ABCC8: variants seen among roughly 807,000 people sequenced by gnomAD.
ABCC8 encodes the protein ATP binding cassette subfamily C member 8.
A neutral mutation model predicts 188.0 loss-of-function variants in ABCC8; 137 were observed. The observed-to-expected ratio is 0.73, with a 90% confidence interval of 0.63 to 0.84. The LOEUF is 0.84. Among genes scored for constraint, ABCC8 ranks in the 40% least tolerant of loss-of-function variants. The probability of loss-of-function intolerance (pLI) is 0.00; values close to 1 mark genes in which losing one functional copy is unlikely to be tolerated. For missense variants in ABCC8, 1,750 were observed against 2,072.7 expected (o/e 0.84, Z 3.02); for synonymous variants, 797 against 846.5 (o/e 0.94, Z 1.01).
rs72868403 is a variant in ABCC8 at position 17,459,275 on chromosome 11, A to G, written c.1011+1213T>C. On this transcript the variant is annotated intron_variant, in intron 6 of 38. Coordinates refer to ENST00000389817, the MANE Select transcript of ABCC8 (RefSeq NM_000352.6). Reference sequence around the variant, plus strand: ...TAAATAACACATGGATAACTCCTGCACACAGCCAGGTATGTATTATGTGGT... The same window carrying G: ...TAAATAACACATGGATAACTCCTGCGCACAGCCAGGTATGTATTATGTGGT... Among the ~76,000 whole-genome samples, 1,516 of 152,344 alleles carry G rather than the reference A, an allele frequency of 1.0e-2. 15 individuals carry two copies. Among genetic ancestry groups the G allele is most frequent in the Non-Finnish European group, 0.017 (1,174 of 68,040 alleles).
At chr11:17,444,698 C>G (rs1219609185) in intron 8 of ABCC8, among the ~76,000 whole-genome samples, 1 of 152,196 alleles carries the variant, frequency 6.6e-6, no homozygotes, top group Non-Finnish European at 1.5e-5. Flanking sequence ...ACTATTTTGT[C>G]TCCTATTCAC....
intron 10 of ABCC8, chr11:17,435,577 G>A: frequency 7.4e-7 from 1 of 1,353,002 alleles, no homozygotes; most frequent in Non-Finnish European, 1.1e-6. Context: ...AAACAAATAA[G>A]GAGAACTTTT....
rs77655678 is a variant in ABCC8, at chr11:17,412,587, G to A, written c.2556+79C>T. Reference sequence around the variant, plus strand: ...AGAGGGAGATTGTTGGATGATGGTGGGGTTGCGGGGAGGTGGAGGTGGGCA... The same window carrying A: ...AGAGGGAGATTGTTGGATGATGGTGAGGTTGCGGGGAGGTGGAGGTGGGCA... On this transcript the variant is annotated intron_variant, in intron 21 of 38. Transcript: ENST00000389817. 2.2e-3 allele frequency: 3,402 copies of A among 1,514,006 alleles called. 65 individuals carry two copies. The African/African-American group carries it at 0.042, about 19-fold the overall frequency. The allele number at this position is 1,514,006 out of a possible 1,614,324, so 93.8% of individuals were successfully genotyped here. A position where few individuals can be genotyped will look rare whatever the true frequency, so the allele number is the denominator to read the frequency against.
intron 8 of ABCC8, among the ~76,000 whole-genome samples, chr11:17,444,639 A>G (rs1366467012): frequency 6.6e-6 from 1 of 152,202 alleles, no homozygotes; most frequent in East Asian, 1.9e-4. Context: ...CCTCATGCAG[A>G]AGAAATCATG....
chr11:17,396,853 C>A, intron 33 of ABCC8, 63 bp downstream of exon 33: 1 of 1,597,328 alleles, frequency 6.3e-7, no homozygotes, highest in African/African-American at 1.3e-5. Context: ...CATCCAGCTC[C>A]GTGCATGCCC....
At chr11:17,403,821 A>G (rs879917850) in intron 28 of ABCC8, among the ~76,000 whole-genome samples, 4 of 152,196 alleles carry the variant, frequency 2.6e-5, no homozygotes, top group Admixed American at 6.5e-5. Context: ...GTTGTGATCC[A>G]TGATATTGAT....
At chr11:17,464,835 T>C (rs1848049828) in intron 3 of ABCC8, among the ~76,000 whole-genome samples, 1 of 152,154 alleles carries the variant, frequency 6.6e-6, no homozygotes, top group Non-Finnish European at 1.5e-5. Flanking sequence ...CTAGACCAGA[T>C]GCGGATAAGG....
At chr11:17,463,680 G>A (rs936448680) in intron 3 of ABCC8, 76 bp from the exon 4 acceptor site, 1 of 1,538,508 alleles carries the variant, frequency 6.5e-7, no homozygotes. Flanking sequence ...GTGCAAGTAT[G>A]TGGCAGAGAA....
At chr11:17,422,349 C>A (rs1353738961) in intron 16 of ABCC8, among the ~76,000 whole-genome samples, 2 of 152,136 alleles carry the variant, frequency 1.3e-5, no homozygotes, top group African/African-American at 4.8e-5. Context: ...TCTCTCTCCC[C>A]AGTCCATCAT....
At chr11:17,397,545 C>T (rs1329885241) in intron 31 of ABCC8, 139 bp downstream of exon 31, 6 of 1,427,758 alleles carry the variant, frequency 4.2e-6, no homozygotes, top group African/African-American at 2.8e-5. Flanking sequence ...GTCAGCCTTC[C>T]TGCCCGCACT....
chr11:17,432,179 A>G, intron 11 of ABCC8, 25 bp downstream of exon 11: 4 of 1,552,208 alleles, frequency 2.6e-6, no homozygotes, highest in Non-Finnish European at 3.5e-6. Flanking sequence ...CCTACCCCCA[A>G]GAGATGGAGA....
intron 12 of ABCC8, 108 bp downstream of exon 12, chr11:17,430,706 G>T (rs1185045304): frequency 4.7e-6 from 6 of 1,281,948 alleles, no homozygotes; most frequent in Non-Finnish European, 5.7e-6. Context: ...CCAGCAATGG[G>T]GGTGTGTTCC....
chr11:17,442,843 G>A lies in ABCC8; in HGVS notation c.1507C>T (p.Leu503Phe), dbSNP rs1027198360. 4 of 1,614,086 alleles carry A rather than the reference G, an allele frequency of 2.5e-6. No individual in the cohort carries two copies. Among genetic ancestry groups the A allele is most frequent in the East Asian group, 4.5e-5 (2 of 44,878 alleles). Residue 503 changes from leucine to phenylalanine, a missense_variant, in exon 10 of 39, where the codon CTC becomes TTC. By Grantham distance (22) the Leu-to-Phe change is conservative. Coordinates refer to ENST00000389817, the MANE Select transcript of ABCC8 (RefSeq NM_000352.6). ...AGCTTCAGCAGCTTGATGCCGCGGA[G>A]CATCTCGTTGGTCTGCTTCAGCCGC... is the stretch of plus-strand genomic sequence containing the variant. ...NERLKQTNEM[L>F]RGIKLLKLYA...
In ABCC8 at chr11:17,406,798, CAG is replaced by C; in HGVS notation, c.3163-12_3163-11del. 1 of 1,614,232 alleles carries C rather than the reference CAG, an allele frequency of 6.2e-7. No individual in the cohort carries two copies. The highest frequency in any genetic ancestry group is 8.5e-7 in the Non-Finnish European group (1 of 1,180,048). ...GGTCGAGGGTGCACTCCTTCACAGG[CAG>C]AGAGTGATTTGGAGTTCCAGGGTGC... On this transcript the variant is annotated splice_polypyrimidine_tract_variant and intron_variant, in intron 25 of 38. Coordinates refer to ENST00000389817, the MANE Select transcript of ABCC8 (RefSeq NM_000352.6).
chr11:17,435,977 T>C (rs559418270), intron 10 of ABCC8: 19 of 1,578,798 alleles, frequency 1.2e-5, no homozygotes, highest in Non-Finnish European at 1.7e-5. Flanking sequence ...CGGTGGCAGA[T>C]GGACATCGCC....
chr11:17,430,413 A>G, intron 12 of ABCC8: 1 of 344,132 alleles, frequency 2.9e-6, no homozygotes, highest in Non-Finnish European at 5.7e-6. Flanking sequence ...GGAAAGATAG[A>G]CACAGTGGAT....
At chr11:17,428,119 C>A in intron 14 of ABCC8, 170 bp downstream of exon 14, 1 of 1,564,352 alleles carries the variant, frequency 6.4e-7, no homozygotes, top group Non-Finnish European at 8.7e-7. Context: ...TTGCCTAAGG[C>A]TGGGGGTCCC....
At chr11:17,401,303 C>G (rs1247799164) in intron 29 of ABCC8, among the ~76,000 whole-genome samples, 1 of 152,234 alleles carries the variant, frequency 6.6e-6, no homozygotes, top group East Asian at 1.9e-4. Flanking sequence ...ATCCAGTCCC[C>G]AGCAAGCTTC....
In ABCC8 at chr11:17,460,401, T is replaced by C. The variant is rs886291; in HGVS notation, c.1011+87A>G. ...GTGAGGAGCCACTCCAGTGTGGCCA[T>C]GGCTCACACACATTGGCCTGTTGCA... On this transcript the variant is annotated intron_variant, in intron 6 of 38. Coordinates refer to ENST00000389817, the MANE Select transcript of ABCC8 (RefSeq NM_000352.6). 551,401 of 1,595,974 alleles carry C rather than the reference T, an allele frequency of 0.35. 97,451 individuals carry two copies. Among genetic ancestry groups the C allele is most frequent in the African/African-American group, 0.48 (36,139 of 74,716 alleles).
Sources: gnomAD v4.1 joint callset for allele counts (sites outside exome capture counted in the v4.1 genomes callset) on GRCh38, gnomAD v4.1.1 for gene constraint, MANE v1.5 for transcripts, NCBI Gene and HGNC (gene_info 2026-07-23, HGNC 2026-07-21) for gene names.